The following PARVA variants were observed in gnomAD, a reference collection of about 807,000 sequenced individuals.
PARVA encodes alpha-parvin.
PARVA carries 25 observed loss-of-function variants against 52.6 expected under a neutral mutation model. That is an observed-to-expected ratio of 0.48 (90% CI 0.35 to 0.66). The LOEUF (loss-of-function observed/expected upper bound fraction) is 0.66, where lower values mean the gene tolerates loss of function less well. Among genes scored for constraint, PARVA ranks in the 30% least tolerant of loss-of-function variants. The pLI, the probability that PARVA is intolerant of heterozygous loss-of-function variation, is 0.01. For missense variants in PARVA, 373 were observed against 450.9 expected (o/e 0.83, Z 1.56); for synonymous variants, 185 against 179.1 (o/e 1.03, Z -0.26).
Position 12,513,611 on chromosome 11 carries a change from C to T in PARVA, c.798+251C>T, listed in dbSNP as rs543159815. On this transcript the variant is annotated intron_variant, in intron 9 of 12. Transcript: ENST00000334956. ...CCAGGCTAACCCCAGCAATCTCAGC[C>T]TTCCCCACTCCTCACAGAATTCCCT... 3.1e-4 allele frequency: 201 copies of T among 648,662 alleles called. No homozygotes were observed. The South Asian group carries it at 3.2e-3, about 10-fold the overall frequency. The allele number at this position is 648,662 out of a possible 1,614,324, so 40.2% of individuals were successfully genotyped here.
At chr11:12,486,600 C>CT (rs1941161910) in intron 4 of PARVA, among the ~76,000 whole-genome samples, 1 of 152,022 alleles carries the variant, frequency 6.6e-6, no homozygotes. Context: ...AATCCCAGCA[C>CT]TTTAGGAGGC....
At chr11:12,441,345 C>CTT (rs59863347) in intron 1 of PARVA, among the ~76,000 whole-genome samples, 14 of 148,424 alleles carry the variant, frequency 9.4e-5, no homozygotes, top group Middle Eastern at 3.5e-3. Context: ...TGGTAGAAAA[C>CTT]TTTTTTTTTT....
chr11:12,533,890 C>T lies in PARVA; in HGVS notation c.*5965C>T, dbSNP rs1314254402. On this transcript the variant is annotated 3_prime_UTR_variant, in exon 13 of 13. Transcript: ENST00000334956. ...AGAGGCAGAAAAAAAATCCATGGGC[C>T]GAGCACGGTGGCTCACACCTGTAAT... 2.0e-5 allele frequency among the ~76,000 whole-genome samples: 3 copies of T among 151,672 alleles called. No individual in the cohort carries two copies. Among genetic ancestry groups the T allele is most frequent in the Admixed American group, 6.6e-5 (1 of 15,230 alleles).
At chr11:12,436,035 G>A (rs1193765954) in intron 1 of PARVA, among the ~76,000 whole-genome samples, 1 of 152,064 alleles carries the variant, frequency 6.6e-6, no homozygotes, top group Non-Finnish European at 1.5e-5. Flanking sequence ...TGTTAGCCAG[G>A]ATGGTCTCGA....
chr11:12,419,772 A>G (rs550938316), intron 1 of PARVA, among the ~76,000 whole-genome samples: 1 of 152,218 alleles, frequency 6.6e-6, no homozygotes, highest in East Asian at 1.9e-4. Flanking sequence ...CCTCACCAAT[A>G]CTTATTGTTA....
At chr11:12,443,598 T>G (rs569796274) in intron 1 of PARVA, among the ~76,000 whole-genome samples, 1 of 152,300 alleles carries the variant, frequency 6.6e-6, no homozygotes, top group South Asian at 2.1e-4. Flanking sequence ...TTAAGTATAT[T>G]CATTCATGCT....
intron 1 of PARVA, chr11:12,453,127 T>C: frequency 2.3e-6 from 1 of 438,986 alleles, no homozygotes; most frequent in South Asian, 1.6e-5. Context: ...TCTCTGGGGT[T>C]TGAGTTGAGA....
chr11:12,390,117 A>G (rs1185697608), intron 1 of PARVA, among the ~76,000 whole-genome samples: 1 of 152,206 alleles, frequency 6.6e-6, no homozygotes, highest in African/African-American at 2.4e-5. Flanking sequence ...TCTTGGTGAC[A>G]TAAACCCAGG....
intron 12 of PARVA, among the ~76,000 whole-genome samples, chr11:12,518,874 C>T (rs1049917151): frequency 2.0e-5 from 3 of 152,192 alleles, no homozygotes; most frequent in Admixed American, 6.5e-5. Flanking sequence ...GAAGGTGCAG[C>T]GCAGACAGTT....
At chr11:12,434,839 A>G (rs1255925122) in intron 1 of PARVA, among the ~76,000 whole-genome samples, 3 of 152,162 alleles carry the variant, frequency 2.0e-5, no homozygotes, top group Non-Finnish European at 4.4e-5. Flanking sequence ...TCAACCCAGA[A>G]GGCATTTTTA....
At chr11:12,484,504 GGTGTGTGTGTGTGTGTGTGTGTGTGT>G (rs35501237) in intron 4 of PARVA, among the ~76,000 whole-genome samples, 25 of 144,700 alleles carry the variant, frequency 1.7e-4, no homozygotes, top group East Asian at 8.2e-4. Context: ...GTTTTGTTTT[GGTGTGTGTGTGTGTGTGTGTGTGTGT>G]GTGTGTGTGT....
intron 12 of PARVA, among the ~76,000 whole-genome samples, chr11:12,523,915 G>A (rs558882712): frequency 3.3e-5 from 5 of 152,236 alleles, no homozygotes; most frequent in Admixed American, 6.5e-5. Flanking sequence ...CCCTTCTCCT[G>A]GCTGAGATAG....
chr11:12,493,150 G>A (rs1349851261), intron 4 of PARVA, among the ~76,000 whole-genome samples: 1 of 152,010 alleles, frequency 6.6e-6, no homozygotes, highest in Non-Finnish European at 1.5e-5. Flanking sequence ...GAGTCCAGGA[G>A]TTCGAGACTA....
intron 1 of PARVA, among the ~76,000 whole-genome samples, chr11:12,464,224 T>G (rs1940823917): frequency 6.6e-6 from 1 of 151,762 alleles, no homozygotes; most frequent in Admixed American, 6.6e-5. Flanking sequence ...ATAGAAATAC[T>G]TAGAGAGATA....
chr11:12,457,010 G>GCCACTC (rs1940706293), intron 1 of PARVA, among the ~76,000 whole-genome samples: 1 of 152,284 alleles, frequency 6.6e-6, no homozygotes, highest in African/African-American at 2.4e-5. Context: ...TATGGCCTTT[G>GCCACTC]CCACTCTATG....
Position 12,533,494 on chromosome 11 carries a change from G to A in PARVA, c.*5569G>A, listed in dbSNP as rs1432026819. On this transcript the variant is annotated 3_prime_UTR_variant, in exon 13 of 13. Coordinates refer to ENST00000334956, the MANE Select transcript of PARVA (RefSeq NM_018222.5). ...AGGGGGTCACTTAATGTTTCACAAT[G>A]TTTGGTGAAACAACTTTCATATGAA... Among the ~76,000 whole-genome samples, 1 of 152,152 alleles carries A rather than the reference G, an allele frequency of 6.6e-6. No individual in the cohort carries two copies. The highest frequency in any genetic ancestry group is 1.5e-5 in the Non-Finnish European group (1 of 68,036).
rs1589996379 is a variant in PARVA at position 12,532,681 on chromosome 11, C to A, written c.*4756C>A. Among the ~76,000 whole-genome samples, 1 of 152,090 alleles carries A rather than the reference C, an allele frequency of 6.6e-6. No individual in the cohort carries two copies. Among genetic ancestry groups the A allele is most frequent in the African/African-American group, 2.4e-5 (1 of 41,418 alleles). On this transcript the variant is annotated 3_prime_UTR_variant, in exon 13 of 13. Coordinates refer to ENST00000334956, the MANE Select transcript of PARVA (RefSeq NM_018222.5). ...TAGATTTAAGGTCATGAGAAGTCTC[C>A]GGCAAAGTGGCATTTTAAAGTAATC...
chr11:12,457,785 G>C (rs767292832), intron 1 of PARVA, among the ~76,000 whole-genome samples: 10 of 104,378 alleles, frequency 9.6e-5, no homozygotes, highest in Non-Finnish European at 2.1e-4. Flanking sequence ...GGGGGAGACA[G>C]GTTGTCCTTC....
At chr11:12,417,076 A>G (rs1198041331) in intron 1 of PARVA, among the ~76,000 whole-genome samples, 1 of 152,228 alleles carries the variant, frequency 6.6e-6, no homozygotes, top group Admixed American at 6.5e-5. Context: ...GCACAATTCC[A>G]AGGTCTGTCA....
Sources: allele counts gnomAD v4.1 joint callset (sites outside exome capture counted in the v4.1 genomes callset), GRCh38; gene constraint gnomAD v4.1.1; transcripts MANE v1.5; gene names NCBI Gene and HGNC (gene_info 2026-07-23, HGNC 2026-07-21).